Variants in HDAC5 observed in about 807,000 individuals in gnomAD.
The protein encoded by HDAC5 is antigen NY-CO-9.
Under a neutral mutation model 133.3 loss-of-function variants are expected in HDAC5, and 25 were observed. The ratio of observed to expected loss-of-function variants is 0.19; its 90% CI spans 0.14 to 0.26. The LOEUF is 0.26. HDAC5 is among the 10% of genes least tolerant of loss of function. HDAC5 has a pLI of 1.00. For missense variants in HDAC5, 1,041 were observed against 1,460.5 expected, an observed-to-expected ratio of 0.71 and a Z score of 4.68; for synonymous variants, 589 against 610.8, an observed-to-expected ratio of 0.96 and a Z score of 0.53.
intron 1 of HDAC5, among the ~76,000 whole-genome samples, chr17:44,121,607 C>G (rs2053009523): frequency 6.6e-6 from 1 of 151,870 alleles, no homozygotes; most frequent in African/African-American, 2.4e-5. Context: ...AGCTGATGCC[C>G]CCTCCCCCAC....
intron 3 of HDAC5, among the ~76,000 whole-genome samples, chr17:44,096,974 G>A (rs566687964): frequency 3.3e-5 from 5 of 152,272 alleles, no homozygotes; most frequent in East Asian, 1.9e-4. Flanking sequence ...CACCCGCCTC[G>A]GCCTCCCAAA....
chr17:44,117,458 C>A lies in HDAC5; in HGVS notation c.22+36G>T. 1 of 1,613,242 alleles carries A rather than the reference C, an allele frequency of 6.2e-7. No individual in the cohort carries two copies. The highest frequency in any genetic ancestry group is 8.5e-7 in the Non-Finnish European group (1 of 1,179,150). On this transcript the variant is annotated intron_variant, in intron 2 of 26. Transcript: ENST00000682912. This position sits in a 1 kb window ranked among gnomAD's most constrained non-coding sequence, Gnocchi z 4.2. ...ACACAGCCCATTGCATCCGAAGCTA[C>A]CCCAGGGTGCTCTTCTCCAACCTCC...
chr17:44,080,904 T>G (rs1262338170), intron 20 of HDAC5, 22 bp from the exon 21 acceptor site: 1 of 1,614,008 alleles, frequency 6.2e-7, no homozygotes, highest in Non-Finnish European at 8.5e-7. Flanking sequence ...GGTAGAAGCA[T>G]CGGGAAAATG....
chr17:44,122,828 G>T (rs2053093939), intron 1 of HDAC5, among the ~76,000 whole-genome samples: 1 of 152,178 alleles, frequency 6.6e-6, no homozygotes, highest in Admixed American at 6.5e-5. Flanking sequence ...CCCAAGACAA[G>T]AAGGGGTTGG....
At chr17:44,100,549 A>G (rs966770199) in intron 3 of HDAC5, among the ~76,000 whole-genome samples, 1 of 146,014 alleles carries the variant, frequency 6.8e-6, no homozygotes, top group Non-Finnish European at 1.5e-5. Flanking sequence ...CCTGGCCAAC[A>G]TGGTGAAACC....
intron 24 of HDAC5, 82 bp from the exon 25 acceptor site, chr17:44,078,961 G>T (rs2050249463): frequency 6.5e-7 from 1 of 1,533,622 alleles, no homozygotes; most frequent in African/African-American, 1.4e-5. Flanking sequence ...CTCAGCCCCA[G>T]ATATCCCTCA....
At chr17:44,081,077 G>C (rs2050366689) in intron 20 of HDAC5, among the ~76,000 whole-genome samples, 195 bp from the exon 21 acceptor site, 1 of 152,120 alleles carries the variant, frequency 6.6e-6, no homozygotes, top group Non-Finnish European at 1.5e-5. Context: ...CAATGGTATT[G>C]CACACCCCAC....
At chr17:44,092,360 G>A (rs902408350) in intron 8 of HDAC5, 21 bp downstream of exon 8, 8 of 1,612,066 alleles carry the variant, frequency 5.0e-6, no homozygotes, top group African/African-American at 2.7e-5. Context: ...CTCAGAACAG[G>A]TACATGAGAG....
In HDAC5 at chr17:44,121,615, C is replaced by A. The variant is rs1333787727; in HGVS notation, c.-190+1889G>T. Reference sequence around the variant, plus strand: ...CTCCTATAGCTGATGCCCCCTCCCCCACTATGCGGGAACACAAATGACCCC... The same window carrying A: ...CTCCTATAGCTGATGCCCCCTCCCCAACTATGCGGGAACACAAATGACCCC... On this transcript the variant is annotated intron_variant, in intron 1 of 26. Transcript: ENST00000682912. 4.6e-5 allele frequency among the ~76,000 whole-genome samples: 7 copies of A among 152,062 alleles called. No individual in the cohort carries two copies. The East Asian group carries it at 7.7e-4, about 17-fold the overall frequency.
intron 3 of HDAC5, among the ~76,000 whole-genome samples, chr17:44,100,340 T>C (rs1326148503): frequency 6.6e-6 from 1 of 151,922 alleles, no homozygotes; most frequent in Non-Finnish European, 1.5e-5. Flanking sequence ...TAGTTCCCCC[T>C]AGAGAAGCCC....
intron 23 of HDAC5, among the ~76,000 whole-genome samples, 180 bp downstream of exon 23, chr17:44,079,927 C>T (rs1192944514): frequency 6.6e-6 from 1 of 152,130 alleles, no homozygotes; most frequent in Non-Finnish European, 1.5e-5. Context: ...ACCTCCTATC[C>T]CCTCAAGGCC....
intron 18 of HDAC5, 148 bp from the exon 19 acceptor site, chr17:44,082,968 GTTTC>G (rs1409870603): frequency 2.0e-5 from 14 of 711,754 alleles, no homozygotes; most frequent in Admixed American, 8.1e-5. Flanking sequence ...TTTTGTTGGG[GTTTC>G]TTTGTTTTTT....
At chr17:44,099,386 C>T (rs2051449506) in intron 3 of HDAC5, among the ~76,000 whole-genome samples, 1 of 152,170 alleles carries the variant, frequency 6.6e-6, no homozygotes, top group Non-Finnish European at 1.5e-5. Flanking sequence ...ACCATCCTGA[C>T]CTCTGGTTTT....
chr17:44,084,558 G>A lies in HDAC5; in HGVS notation c.2302C>T (p.Leu768Phe), dbSNP rs1434252850. Residue 768 changes from leucine to phenylalanine, a missense_variant, in exon 16 of 27, where the codon CTC becomes TTC. Leu to Phe is a conservative substitution (Grantham distance 22). Coordinates refer to ENST00000682912, the MANE Select transcript of HDAC5 (RefSeq NM_005474.5). The stretch of plus-strand genomic sequence containing the variant: ...GCCCACCCATGTGCCAGCTCACCGA[G>A]CAACTTCTTGCTGTCTAGCTTCTGC... ...NRQKLDSKKL[L>F]GPISQKMYAV... is the part of the protein sequence containing the mutation. 1 of 1,613,908 alleles carries A rather than the reference G, an allele frequency of 6.2e-7. No homozygotes were observed. Among genetic ancestry groups the A allele is most frequent in the Non-Finnish European group, 8.5e-7 (1 of 1,179,942 alleles).
At chr17:44,080,273 C>G (rs2050328521) in intron 22 of HDAC5, 48 bp from the exon 23 acceptor site, 2 of 1,570,506 alleles carry the variant, frequency 1.3e-6, no homozygotes, top group African/African-American at 2.7e-5. Context: ...CCAGGCCAGG[C>G]CTCGCCCCAC....
At chr17:44,122,177 CCAGCA>C (rs2053050230) in intron 1 of HDAC5, among the ~76,000 whole-genome samples, 1 of 152,116 alleles carries the variant, frequency 6.6e-6, no homozygotes. Context: ...CCAGCCCAGC[CCAGCA>C]TCTCAACAGC....
Position 44,082,757 on chromosome 17 carries a change from G to A in HDAC5, c.2519+8C>T, listed in dbSNP as rs374793409. 29 of 1,586,240 alleles carry A rather than the reference G, an allele frequency of 1.8e-5. No homozygotes were observed. The highest frequency in any genetic ancestry group is 2.3e-5 in the Non-Finnish European group (27 of 1,165,578). ...AAGGGGCGAGGGCAGAGAATCTAGG[G>A]CACTCACATGGCTGTGGATTCCTCG... is the stretch of plus-strand genomic sequence containing the variant. On this transcript the variant is annotated splice_region_variant and intron_variant, in intron 19 of 26. Transcript: ENST00000682912.
chr17:44,098,069 C>T (rs542570926), intron 3 of HDAC5, among the ~76,000 whole-genome samples: 2 of 152,390 alleles, frequency 1.3e-5, no homozygotes, highest in East Asian at 1.9e-4. Flanking sequence ...GGGTGACATG[C>T]AGCACCCCAG....
intron 21 of HDAC5, 46 bp downstream of exon 21, chr17:44,080,717 T>G: frequency 6.2e-7 from 1 of 1,613,036 alleles, no homozygotes; most frequent in Non-Finnish European, 8.5e-7. Context: ...TTGTGCCACC[T>G]CCCAGAGGGG....
Sources: allele counts gnomAD v4.1 joint callset (sites outside exome capture counted in the v4.1 genomes callset), GRCh38; gene constraint gnomAD v4.1.1; non-coding constraint Gnocchi (gnomAD v3.1); transcripts MANE v1.5; gene names NCBI Gene and HGNC (gene_info 2026-07-23, HGNC 2026-07-21).